Variants in NRXN1 observed in about 807,000 individuals in gnomAD.
NRXN1 encodes the protein neurexin 1, also known as neurexin-1.
In NRXN1, 39 loss-of-function variants were observed where a neutral mutation model predicts 150.9. The observed-to-expected ratio is 0.26, with a 90% CI of 0.20 to 0.34. The LOEUF is 0.34. Among genes scored for constraint, NRXN1 ranks in the 10% least tolerant of loss-of-function variants. The pLI is 1.00. For synonymous variants in NRXN1, 924 were observed against 757.0 expected (o/e 1.22, Z -3.62); for missense variants, 1,815 against 1,949.9 (o/e 0.93, Z 1.30).
At chr2:50,591,442 G>GATA (rs1674229577) in intron 8 of NRXN1, among the ~76,000 whole-genome samples, 1 of 134,366 alleles carries the variant, frequency 7.4e-6, no homozygotes, top group African/African-American at 2.7e-5. Context: ...ATAGATAGAT[G>GATA]TATACTAGTC....
intron 21 of NRXN1, among the ~76,000 whole-genome samples, chr2:49,947,051 G>A (rs533688391): frequency 2.5e-4 from 38 of 152,182 alleles, no homozygotes; most frequent in African/African-American, 7.9e-4. Flanking sequence ...TGATAATGAC[G>A]TGTTATTGAA....
chr2:50,025,850 T>C (rs972051088), intron 21 of NRXN1, among the ~76,000 whole-genome samples: 5 of 152,220 alleles, frequency 3.3e-5, no homozygotes, highest in Non-Finnish European at 4.4e-5. Flanking sequence ...AAGTGTGCCC[T>C]GCAGCTAGTA....
Position 50,981,735 on chromosome 2 carries a change from A to C in NRXN1, c.772+45767T>G, listed in dbSNP as rs553359258. 2.6e-5 allele frequency among the ~76,000 whole-genome samples: 4 copies of C among 152,102 alleles called. No individual in the cohort carries two copies. In the Middle Eastern group the frequency reaches 0.014, roughly 521 times the overall value. On this transcript the variant is annotated intron_variant, in intron 2 of 22. Coordinates refer to ENST00000401669, the MANE Select transcript of NRXN1 (RefSeq NM_001330078.2). The stretch of plus-strand genomic sequence containing the variant: ...AAAATGAAATGATAACCACCAACAA[A>C]GGGATTCTGCAGCTGAGTATGGATT...
At chr2:50,431,966 C>G (rs908896679) in intron 17 of NRXN1, among the ~76,000 whole-genome samples, 3 of 152,218 alleles carry the variant, frequency 2.0e-5, no homozygotes, top group Non-Finnish European at 4.4e-5. Flanking sequence ...TCACAAGCAT[C>G]ACTGTATGTA....
At chr2:50,545,021 G>A (rs1226967790) in intron 9 of NRXN1, among the ~76,000 whole-genome samples, 1 of 152,084 alleles carries the variant, frequency 6.6e-6, no homozygotes, top group African/African-American at 2.4e-5. Flanking sequence ...TATTTTATGT[G>A]TGTGAACATA....
chr2:50,805,848 T>C (rs1164012734), intron 5 of NRXN1, among the ~76,000 whole-genome samples: 1 of 152,156 alleles, frequency 6.6e-6, no homozygotes, highest in African/African-American at 2.4e-5. Context: ...TCCACTTTGT[T>C]GGTTACTTTT....
At chr2:50,462,374 C>A (rs1310443441) in intron 17 of NRXN1, among the ~76,000 whole-genome samples, 3 of 151,540 alleles carry the variant, frequency 2.0e-5, no homozygotes, top group African/African-American at 7.3e-5. Context: ...TTAGGAGAGA[C>A]TGATGACATT....
At chr2:50,167,142 A>G (rs1476003421) in intron 18 of NRXN1, among the ~76,000 whole-genome samples, 2 of 152,318 alleles carry the variant, frequency 1.3e-5, no homozygotes, top group African/African-American at 4.8e-5. Flanking sequence ...ACCGAGTACT[A>G]ATGACTAAAG....
intron 5 of NRXN1, among the ~76,000 whole-genome samples, chr2:50,857,705 T>C (rs1290141019): frequency 6.6e-6 from 1 of 152,078 alleles, no homozygotes; most frequent in Non-Finnish European, 1.5e-5. Flanking sequence ...TGTTTCTGAT[T>C]ATCCATCCCT....
chr2:50,740,553 T>A (rs1193441996), intron 5 of NRXN1, among the ~76,000 whole-genome samples: 1 of 152,194 alleles, frequency 6.6e-6, no homozygotes, highest in Non-Finnish European at 1.5e-5. Flanking sequence ...ACTGGTGTAT[T>A]TTCTCCTTAA....
chr2:50,353,004 C>T (rs2078536326), intron 17 of NRXN1, among the ~76,000 whole-genome samples: 1 of 151,876 alleles, frequency 6.6e-6, no homozygotes, highest in African/African-American at 2.4e-5. Context: ...CCTAGCACCT[C>T]CCCAATGATA....
chr2:50,308,965 T>C (rs1486766172), intron 17 of NRXN1, among the ~76,000 whole-genome samples: 1 of 152,154 alleles, frequency 6.6e-6, no homozygotes, highest in East Asian at 1.9e-4. Flanking sequence ...GACATGTTTG[T>C]AAAGCACTTA....
chr2:49,996,403 A>G (rs2152527071), intron 21 of NRXN1, among the ~76,000 whole-genome samples: 1 of 152,316 alleles, frequency 6.6e-6, no homozygotes, highest in South Asian at 2.1e-4. Flanking sequence ...GGAGGACAGG[A>G]ATGGAAAGGA....
rs1172522656 is a variant in NRXN1 at position 50,803,960 on chromosome 2, CTT to C, written c.832+117907_832+117908del. On this transcript the variant is annotated intron_variant, in intron 5 of 22. Coordinates refer to ENST00000401669, the MANE Select transcript of NRXN1 (RefSeq NM_001330078.2). ...GTATCACTCTCATAAACTTCAGAAG[CTT>C]TGTTGCATTTTCCTTCAAATTCTCT... Among the ~76,000 whole-genome samples, 6 of 152,154 alleles carry C rather than the reference CTT, an allele frequency of 3.9e-5. No individual in the cohort carries two copies. In the East Asian group the frequency reaches 1.2e-3, roughly 29 times the overall value.
chr2:50,141,972 A>G (rs1189512670), intron 18 of NRXN1, among the ~76,000 whole-genome samples: 1 of 152,104 alleles, frequency 6.6e-6, no homozygotes, highest in East Asian at 1.9e-4. Context: ...AGGAAAGGAA[A>G]TCAGTTCAAA....
chr2:49,953,206 G>C (rs1293356804), intron 21 of NRXN1, among the ~76,000 whole-genome samples: 1 of 152,098 alleles, frequency 6.6e-6, no homozygotes, highest in African/African-American at 2.4e-5. Context: ...TAATCACTTA[G>C]TTAACAGAAG....
intron 12 of NRXN1, among the ~76,000 whole-genome samples, chr2:50,521,214 C>T (rs1255078801): frequency 6.6e-6 from 1 of 152,104 alleles, no homozygotes; most frequent in Non-Finnish European, 1.5e-5. Flanking sequence ...TTAAATCACG[C>T]ATTTCAAAAG....
chr2:50,368,161 C>A (rs1210032722), intron 17 of NRXN1, among the ~76,000 whole-genome samples: 1 of 151,860 alleles, frequency 6.6e-6, no homozygotes, highest in Non-Finnish European at 1.5e-5. Flanking sequence ...GTTGTTCATG[C>A]AAATGAAATC....
intron 5 of NRXN1, among the ~76,000 whole-genome samples, chr2:50,666,879 A>ATGATGATGATGATGTG (rs1237981785): frequency 2.8e-5 from 3 of 107,816 alleles, no homozygotes; most frequent in Non-Finnish European, 3.8e-5. Flanking sequence ...GATGATGATG[A>ATGATGATGATGATGTG]TGTGTGTGTG....
Sources: gnomAD v4.1 joint callset for allele counts (sites outside exome capture counted in the v4.1 genomes callset) on GRCh38, gnomAD v4.1.1 for gene constraint, MANE v1.5 for transcripts, NCBI Gene and HGNC (gene_info 2026-07-23, HGNC 2026-07-21) for gene names.